The following CELSR3 variants were observed in gnomAD, a reference collection of about 807,000 sequenced individuals.
The protein encoded by CELSR3 is cadherin EGF LAG seven-pass G-type receptor 3, also known as EGF-like protein 1.
A neutral mutation model predicts 270.0 loss-of-function variants in CELSR3; 73 were observed. The observed-to-expected ratio is 0.27, with a 90% CI of 0.22 to 0.33. The LOEUF (loss-of-function observed/expected upper bound fraction) is 0.33, where lower values mean the gene tolerates loss of function less well. Among genes scored for constraint, CELSR3 ranks in the 10% least tolerant of loss-of-function variants. The pLI, the probability that CELSR3 is intolerant of heterozygous loss-of-function variation, is 1.00. For missense variants in CELSR3, 3,614 were observed against 4,533.8 expected (o/e 0.80, Z 5.83); for synonymous variants, 1,780 against 1,905.4 (o/e 0.93, Z 1.71).
Position 48,642,951 on chromosome 3 carries a change from C to T in CELSR3, c.8406+16G>A. 1 of 1,609,878 alleles carries T rather than the reference C, an allele frequency of 6.2e-7. No individual in the cohort carries two copies. The highest frequency in any genetic ancestry group is 1.3e-5 in the African/African-American group (1 of 74,952). On this transcript the variant is annotated intron_variant, in intron 29 of 34. Coordinates refer to ENST00000164024, the MANE Select transcript of CELSR3 (RefSeq NM_001407.3). The surrounding 1 kb of genome is among the most constrained non-coding windows in gnomAD (Gnocchi z 6.1). ...GCCTAAAACTCTGGCTTCTCAGGGC[C>T]CCCATCCCGACTCACCAGCCCAGGT...
rs745684610 is a variant in CELSR3 at position 48,653,048 on chromosome 3, C to T, written c.5588G>A (p.Arg1863Gln). ...LELQEEPGGR[R>Q]GHHVLMVSLD... ...TGAGACCATAAGGACATGGTGGCCC[C>T]GCCGGCCACCTGGTTCCTCCTGCAA... Residue 1863 changes from arginine to glutamine, a missense_variant, in exon 10 of 35, where the codon CGG (arginine) becomes CAG (glutamine). By Grantham distance (43) the Arg-to-Gln change is conservative. Coordinates refer to ENST00000164024, the MANE Select transcript of CELSR3 (RefSeq NM_001407.3). This position sits in a 1 kb window ranked among gnomAD's most constrained non-coding sequence, Gnocchi z 6.5. 18 of 1,613,004 alleles carry T rather than the reference C, an allele frequency of 1.1e-5. No individual in the cohort carries two copies. Among genetic ancestry groups the T allele is most frequent in the East Asian group, 2.2e-5 (1 of 44,890 alleles).
At position 48,658,870 on chromosome 3, in the gene CELSR3, T is replaced by G. The variant is rs1346429645; in HGVS notation, c.3748+17A>C. ...GGTTGGTGTCACTGGGTCACTTGCC[T>G]GCCCCCTGCCCCTCACCTGTGACAG... On this transcript the variant is annotated intron_variant, in intron 1 of 34. Transcript: ENST00000164024. This position sits in a 1 kb window ranked among gnomAD's most constrained non-coding sequence, Gnocchi z 4.7. The G allele has an allele frequency of 6.2e-7, 1 of 1,608,164 alleles. No individual in the cohort carries two copies. Among genetic ancestry groups the G allele is most frequent in the East Asian group, 2.2e-5 (1 of 44,790 alleles).
At position 48,642,542 on chromosome 3, in the gene CELSR3, T is replaced by G. The variant is rs1575538421; in HGVS notation, c.8556-75A>C. On this transcript the variant is annotated intron_variant, in intron 30 of 34. Transcript: ENST00000164024. The surrounding 1 kb of genome is among the most constrained non-coding windows in gnomAD (Gnocchi z 6.1). ...CCTTGGAGGCTGGAGTGTCTTTGAG[T>G]GCACAGCCAGCTGCGGGTGGAATGG... The G allele has an allele frequency of 6.7e-7, 1 of 1,498,650 alleles. No individual in the cohort carries two copies. Among genetic ancestry groups the G allele is most frequent in the East Asian group, 2.4e-5 (1 of 42,408 alleles). The allele number at this position is 1,498,650 out of a possible 1,614,324, so 92.8% of individuals were successfully genotyped here.
In CELSR3 at chr3:48,653,150, C is replaced by A; in HGVS notation, c.5486G>T (p.Gly1829Val). The change falls in exon 10 of 35, where the codon GGC (glycine) becomes GTC (valine). Residue 1829 changes from glycine to valine, a missense_variant. Physicochemically the swap from Gly to Val is moderately radical, Grantham distance 109. Around this residue, in one of 7 missense-constraint regions of CELSR3, gnomAD observed 1,331 missense variants for 1,933.7 expected, o/e 0.69. Transcript: ENST00000164024. The surrounding 1 kb of genome is among the most constrained non-coding windows in gnomAD (Gnocchi z 6.5). ...AAGGAGATGGGAAGCACGGCCCGAG[C>A]CCCTGGTCACTGTCACAGACAGTAA... ...RGLLSVTVTR[G>V]SGRASHLLLD... 1 of 1,613,294 alleles carries A rather than the reference C, an allele frequency of 6.2e-7. No homozygotes were observed.
In CELSR3 at chr3:48,659,498, G is replaced by C; in HGVS notation, c.3137C>G (p.Pro1046Arg). The change falls in exon 1 of 35, where the codon CCA (proline) becomes CGA (arginine). Residue 1046 changes from proline to arginine, a missense_variant. Pro to Arg is a moderately radical substitution (Grantham distance 103). This residue lies in a region of CELSR3 where 1,331 missense variants were observed against 1,933.7 expected (regional missense o/e 0.69). Coordinates refer to ENST00000164024, the MANE Select transcript of CELSR3 (RefSeq NM_001407.3). The surrounding 1 kb of genome is among the most constrained non-coding windows in gnomAD (Gnocchi z 8.1). ...TAYAVDRGVP[P>R]LRTPVSIQVM... The stretch of plus-strand genomic sequence containing the variant: ...CTGGATACTGACTGGAGTCCGGAGT[G>C]GGGGCACACCTCTGTCCACTGCGTA... 3 of 1,614,202 alleles carry C rather than the reference G, an allele frequency of 1.9e-6. No individual in the cohort carries two copies. Among genetic ancestry groups the C allele is most frequent in the Non-Finnish European group, 2.5e-6 (3 of 1,180,036 alleles).
intron 19 of CELSR3, 77 bp downstream of exon 19, chr3:48,648,189 C>T (rs2047104922): frequency 6.6e-7 from 1 of 1,509,778 alleles, no homozygotes; most frequent in Non-Finnish European, 9.0e-7. Flanking sequence ...TTGATAGCCA[C>T]AGCCCCTCAG....
chr3:48,656,329 C>T lies in CELSR3; in HGVS notation c.4436G>A (p.Cys1479Tyr). The change falls in exon 3 of 35, where the codon TGC becomes TAC. Residue 1479 changes from cysteine to tyrosine, a missense_variant. This residue lies in a region of CELSR3 where 1,331 missense variants were observed against 1,933.7 expected (regional missense o/e 0.69). Coordinates refer to ENST00000164024, the MANE Select transcript of CELSR3 (RefSeq NM_001407.3). ...DCELDTEAGRCVPGVCRNGGT... is the reference protein window; with the variant it reads ...DCELDTEAGRYVPGVCRNGGT... The stretch of plus-strand genomic sequence containing the variant: ...CCCGTTGCGGCAGACGCCCGGCACG[C>T]AGCGGCCGGCCTCGGTGTCCAGCTC... 6.9e-7 allele frequency: 1 copy of T among 1,443,544 alleles called. No individual in the cohort carries two copies. Among genetic ancestry groups the T allele is most frequent in the Non-Finnish European group, 9.0e-7 (1 of 1,112,314 alleles). The allele number at this position is 1,443,544 out of a possible 1,614,324, so 89.4% of individuals were successfully genotyped here. A position where few individuals can be genotyped will look rare whatever the true frequency, so the allele number is the denominator to read the frequency against.
chr3:48,639,717 A>G lies in CELSR3; in HGVS notation c.9868T>C (p.Ser3290Pro), dbSNP rs762844075. 32 of 1,613,408 alleles carry G rather than the reference A, an allele frequency of 2.0e-5. No individual in the cohort carries two copies. The highest frequency in any genetic ancestry group is 2.6e-5 in the Non-Finnish European group (31 of 1,179,908). The change falls in exon 34 of 35, where the codon TCT becomes CCT. Residue 3290 changes from serine to proline, a missense_variant. By Grantham distance (74) the Ser-to-Pro change is moderately conservative. Around this residue, in one of 7 missense-constraint regions of CELSR3, gnomAD observed 1,240 missense variants for 1,351.7 expected, o/e 0.92. Transcript: ENST00000164024. This position sits in a 1 kb window ranked among gnomAD's most constrained non-coding sequence, Gnocchi z 4.1. ...ASVLGPSTPR[S>P]ATSHSISELS... is the part of the protein sequence containing the mutation. Reference sequence around the variant, plus strand: ...TCCGAGATGCTGTGAGACGTGGCAGAACGTGGCGTGGAGGGCCCAAGCACA... The same window carrying G: ...TCCGAGATGCTGTGAGACGTGGCAGGACGTGGCGTGGAGGGCCCAAGCACA...
Position 48,641,445 on chromosome 3 carries a change from C to T in CELSR3, c.8904G>A (p.Trp2968Ter), listed in dbSNP as rs757830645. 1 of 1,612,600 alleles carries T rather than the reference C, an allele frequency of 6.2e-7. No individual in the cohort carries two copies. Among genetic ancestry groups the T allele is most frequent in the Non-Finnish European group, 8.5e-7 (1 of 1,179,842 alleles). ...CEAAPCALQT[W>*]GSERRLGLDT... ...CCAGCCCCAGGCGCCTTTCAGAGCC[C>T]CAAGTCTGCAGAGCACAGGGGGCTG... The change falls in exon 33 of 35, where the codon TGG (tryptophan) becomes TGA (stop). Residue 2968 changes from tryptophan (W) to a stop codon, truncating the protein, a stop_gained. Coordinates refer to ENST00000164024, the MANE Select transcript of CELSR3 (RefSeq NM_001407.3). LOFTEE classifies it high-confidence loss of function. This position sits in a 1 kb window ranked among gnomAD's most constrained non-coding sequence, Gnocchi z 4.8.
chr3:48,650,278 C>T lies in CELSR3; in HGVS notation c.6472+202G>A, dbSNP rs767458633. On this transcript the variant is annotated intron_variant, in intron 16 of 34. Transcript: ENST00000164024. This position sits in a 1 kb window ranked among gnomAD's most constrained non-coding sequence, Gnocchi z 5.1. ...TGAGCAAACACGTACCCCTTACCTG[C>T]ACCCCGCAATCCTGCCCAGAAGCCA... 10 of 681,334 alleles carry T rather than the reference C, an allele frequency of 1.5e-5. No homozygotes were observed. The highest frequency in any genetic ancestry group is 1.4e-4 in the South Asian group (9 of 66,576). 42.2% of individuals were successfully genotyped at this position (681,334 alleles called of 1,614,324 possible).
chr3:48,642,586 G>T lies in CELSR3; in HGVS notation c.8556-119C>A. On this transcript the variant is annotated intron_variant, in intron 30 of 34. Coordinates refer to ENST00000164024, the MANE Select transcript of CELSR3 (RefSeq NM_001407.3). This position sits in a 1 kb window ranked among gnomAD's most constrained non-coding sequence, Gnocchi z 6.1. The stretch of plus-strand genomic sequence containing the variant: ...GGAATGGCATCCCTGGGTGTGTGTG[G>T]TGGGAAGCATTTAGGGCAGAGGCAG... 1 of 1,428,716 alleles carries T rather than the reference G, an allele frequency of 7.0e-7. No individual in the cohort carries two copies. Among genetic ancestry groups the T allele is most frequent in the Non-Finnish European group, 9.5e-7 (1 of 1,055,192 alleles). The allele number at this position is 1,428,716 out of a possible 1,614,324, so 88.5% of individuals were successfully genotyped here.
Position 48,653,136 on chromosome 3 carries a change from A to C in CELSR3, c.5500T>G (p.Ser1834Ala). The C allele has an allele frequency of 6.2e-7, 1 of 1,613,352 alleles. No individual in the cohort carries two copies. Among genetic ancestry groups the C allele is most frequent in the South Asian group, 1.1e-5 (1 of 91,084 alleles). The part of the protein sequence containing the change: ...VTVTRGSGRA[S>A]HLLLDQVTVS... ...GTCACCTGGTCCAGAAGGAGATGGG[A>C]AGCACGGCCCGAGCCCCTGGTCACT... is the stretch of plus-strand genomic sequence containing the variant. The change falls in exon 10 of 35, where the codon TCC (serine) becomes GCC (alanine). Residue 1834 changes from serine (S) to alanine (A), a missense_variant. Coordinates refer to ENST00000164024, the MANE Select transcript of CELSR3 (RefSeq NM_001407.3). This position sits in a 1 kb window ranked among gnomAD's most constrained non-coding sequence, Gnocchi z 6.5.
chr3:48,642,929 T>G lies in CELSR3; in HGVS notation c.8406+38A>C, dbSNP rs754288962. On this transcript the variant is annotated intron_variant, in intron 29 of 34. Transcript: ENST00000164024. This position sits in a 1 kb window ranked among gnomAD's most constrained non-coding sequence, Gnocchi z 6.1. ...AGTGTGAGCTAACCCTGAAGCAGCC[T>G]AAAACTCTGGCTTCTCAGGGCCCCC... 98 of 1,610,296 alleles carry G rather than the reference T, an allele frequency of 6.1e-5. No homozygotes were observed. Among genetic ancestry groups the G allele is most frequent in the Admixed American group, 1.0e-4 (6 of 59,922 alleles).
rs372306974 is a variant in CELSR3, at chr3:48,641,703, G to A, written c.8824+148C>T. 8.7e-5 allele frequency: 79 copies of A among 907,270 alleles called. No homozygotes were observed. The African/African-American group carries it at 1.2e-3, about 14-fold the overall frequency. The allele number at this position is 907,270 out of a possible 1,614,324, so 56.2% of individuals were successfully genotyped here. On this transcript the variant is annotated intron_variant, in intron 32 of 34. Coordinates refer to ENST00000164024, the MANE Select transcript of CELSR3 (RefSeq NM_001407.3). The surrounding 1 kb of genome is among the most constrained non-coding windows in gnomAD (Gnocchi z 4.8). ...GGTGAGCTCCCTCCCCTTAACTGGA[G>A]GTGGACAGAGACTAAAAGTTGGGGA...
intron 19 of CELSR3, 115 bp from the exon 20 acceptor site, chr3:48,648,111 C>T: frequency 6.8e-7 from 1 of 1,462,238 alleles, no homozygotes; most frequent in South Asian, 1.3e-5. Context: ...TTCTGTGCTA[C>T]CAGCTCGGAG....
At position 48,657,098 on chromosome 3, in the gene CELSR3, T is replaced by A. The variant is rs2077029701; in HGVS notation, c.3999A>T (p.Leu1333=). 6.2e-7 allele frequency: 1 copy of A among 1,613,774 alleles called. No individual in the cohort carries two copies. Among genetic ancestry groups the A allele is most frequent in the Admixed American group, 1.7e-5 (1 of 60,008 alleles). The stretch of plus-strand genomic sequence containing the variant: ...CGCCCGCCCCGGCCCCACGTGGAGC[T>A]AGCGCCGAGAAACTCACATTGAGCA... ...GTVLNVSFSA[L]APRGAGAGAA... The change falls in exon 2 of 35, where the codon CTA becomes CTT. Residue 1333 remains leucine (L), a synonymous_variant. Coordinates refer to ENST00000164024, the MANE Select transcript of CELSR3 (RefSeq NM_001407.3). The surrounding 1 kb of genome is among the most constrained non-coding windows in gnomAD (Gnocchi z 5.4).
Position 48,645,394 on chromosome 3 carries a change from G to A in CELSR3, c.7797+49C>T, listed in dbSNP as rs371293662. On this transcript the variant is annotated intron_variant, in intron 24 of 34. Transcript: ENST00000164024. The surrounding 1 kb of genome is among the most constrained non-coding windows in gnomAD (Gnocchi z 5.4). ...CCTGAGTTTTGGCCCCAGGCCTCCT[G>A]GGCCAGTAGGGTCATCAGGACACAA... 34 of 1,607,502 alleles carry A rather than the reference G, an allele frequency of 2.1e-5. No individual in the cohort carries two copies. The African/African-American group carries it at 3.7e-4, about 18-fold the overall frequency.
intron 20 of CELSR3, among the ~76,000 whole-genome samples, chr3:48,647,187 T>G (rs1480399708): frequency 1.1e-4 from 1 of 9,120 alleles, no homozygotes; most frequent in Non-Finnish European, 1.9e-4. Flanking sequence ...AGGGGAGATG[T>G]GGGAGGGTGG....
At position 48,662,375 on chromosome 3, in the gene CELSR3, C is replaced by A; in HGVS notation, c.260G>T (p.Gly87Val). 3 of 1,613,042 alleles carry A rather than the reference C, an allele frequency of 1.9e-6. No homozygotes were observed. Among genetic ancestry groups the A allele is most frequent in the Non-Finnish European group, 2.5e-6 (3 of 1,180,008 alleles). ...GGCGCTTTGCCTTCTCCCTCGGAGC[C>A]CCACGAAGATAGGCTCCCTGACCCC... is the stretch of plus-strand genomic sequence containing the variant. ...GLGVREPIFVGLRGRRQSARN... is the reference protein window; with the variant it reads ...GLGVREPIFVVLRGRRQSARN... Residue 87 changes from glycine to valine, a missense_variant, in exon 1 of 35, where the codon GGG (glycine) becomes GTG (valine). By Grantham distance (109) the Gly-to-Val change is moderately radical. This residue lies in a region of CELSR3 where 470 missense variants were observed against 469.7 expected (regional missense o/e 1.00). Coordinates refer to ENST00000164024, the MANE Select transcript of CELSR3 (RefSeq NM_001407.3). This position sits in a 1 kb window ranked among gnomAD's most constrained non-coding sequence, Gnocchi z 7.1.
Sources: allele counts gnomAD v4.1 joint callset (sites outside exome capture counted in the v4.1 genomes callset), GRCh38; gene constraint gnomAD v4.1.1; regional missense constraint gnomAD v4.1.1; non-coding constraint Gnocchi (gnomAD v3.1); transcripts MANE v1.5; gene names NCBI Gene and HGNC (gene_info 2026-07-23, HGNC 2026-07-21).